Variants in SYT14 observed in about 807,000 individuals in gnomAD.
The protein encoded by SYT14 is synaptotagmin 14, also known as synaptotagmin-14.
In SYT14, 32 loss-of-function variants were observed where a neutral mutation model predicts 74.2. The ratio of observed to expected loss-of-function variants is 0.43; its 90% CI spans 0.33 to 0.58. SYT14 has a LOEUF of 0.58. Among genes scored for constraint, SYT14 ranks in the 20% least tolerant of loss-of-function variants. SYT14 has a pLI of 0.05. For synonymous variants in SYT14, 298 were observed against 337.7 expected, an observed-to-expected ratio of 0.88 and a Z score of 1.29; for missense variants, 791 against 981.8, an observed-to-expected ratio of 0.81 and a Z score of 2.60.
chr1:210,105,509 T>C (rs2082142822), intron 7 of SYT14, among the ~76,000 whole-genome samples: 1 of 152,224 alleles, frequency 6.6e-6, no homozygotes, highest in Admixed American at 6.5e-5. Context: ...AAGTAAACCA[T>C]TGTTGAATTA....
intron 7 of SYT14, among the ~76,000 whole-genome samples, chr1:210,139,440 T>C (rs1243520133): frequency 6.6e-6 from 1 of 152,048 alleles, no homozygotes; most frequent in East Asian, 1.9e-4. Flanking sequence ...TGAGATTCTT[T>C]CTAAGATTGT....
chr1:210,158,709 C>A (rs2083316258), intron 8 of SYT14, among the ~76,000 whole-genome samples: 1 of 151,978 alleles, frequency 6.6e-6, no homozygotes, highest in South Asian at 2.1e-4. Flanking sequence ...GATAGATCTT[C>A]AGTATAAGGA....
chr1:209,990,166 T>A lies in SYT14; in HGVS notation c.-485-23467T>A, dbSNP rs376524749. Among the ~76,000 whole-genome samples the A allele has an allele frequency of 3.3e-5, 5 of 152,234 alleles. No homozygotes were observed. In the East Asian group the frequency reaches 9.6e-4, roughly 29 times the overall value. On this transcript the variant is annotated intron_variant, in intron 2 of 9. Coordinates refer to ENST00000637265, the Ensembl canonical transcript of SYT14. ...TATTGTAAACAGAATTCATTTTCCC[T>A]CCACCTTTCATCTGTTTTTGTACAT...
At chr1:210,057,461 A>G (rs914509709) in intron 5 of SYT14, among the ~76,000 whole-genome samples, 5 of 152,232 alleles carry the variant, frequency 3.3e-5, no homozygotes, top group African/African-American at 7.2e-5. Context: ...TATTTTCAGA[A>G]TTTCTATAGA....
intron 2 of SYT14, among the ~76,000 whole-genome samples, chr1:210,005,806 T>C (rs191749421): frequency 4.6e-5 from 7 of 152,104 alleles, no homozygotes; most frequent in African/African-American, 1.4e-4. Context: ...TTAAGTATTA[T>C]TAAGTAAGAA....
Position 210,153,066 on chromosome 1 carries a change from A to G in SYT14, c.2035-2655A>G, listed in dbSNP as rs2102705182. On this transcript the variant is annotated intron_variant, in intron 7 of 9. Coordinates refer to ENST00000637265, the Ensembl canonical transcript of SYT14. ...TGGATCCAATATGAGTAATGCTGCT[A>G]TGGACATTCTTTCATATGTCTCTTG... Among the ~76,000 whole-genome samples, 2 of 152,280 alleles carry G rather than the reference A, an allele frequency of 1.3e-5. 1 individual carries two copies. Among genetic ancestry groups the G allele is most frequent in the South Asian group, 4.1e-4 (2 of 4,820 alleles).
chr1:210,130,846 A>G (rs937902615), intron 7 of SYT14, among the ~76,000 whole-genome samples: 3 of 152,232 alleles, frequency 2.0e-5, no homozygotes, highest in African/African-American at 7.2e-5. Context: ...TTCACGATGA[A>G]GTTGGTCTCA....
At chr1:210,016,580 G>A (rs1411046826) in exon 4 of SYT14, 2 of 1,231,848 alleles carry the variant, frequency 1.6e-6, no homozygotes, top group Non-Finnish European at 1.0e-6. Flanking sequence ...AAAGGAGGTA[G>A]GATATCAAGA....
chr1:210,032,045 C>T (rs1324324413), intron 5 of SYT14, among the ~76,000 whole-genome samples: 1 of 152,056 alleles, frequency 6.6e-6, no homozygotes, highest in African/African-American at 2.4e-5. Flanking sequence ...GAAAGTAATA[C>T]CTGGTGGAGC....
exon 4 of SYT14, chr1:210,015,802 T>TC (rs2080171377): frequency 1.9e-6 from 2 of 1,056,322 alleles, no homozygotes; most frequent in Non-Finnish European, 2.4e-6. Flanking sequence ...ATTTTTTTTT[T>TC]CCGGAAGAAT....
At chr1:209,945,886 G>T (rs1572049575) in intron 1 of SYT14, among the ~76,000 whole-genome samples, 1 of 152,004 alleles carries the variant, frequency 6.6e-6, no homozygotes, top group East Asian at 1.9e-4. Flanking sequence ...AAAGTTTGTG[G>T]CAACTCTGTT....
At chr1:209,953,483 T>C (rs2078944827) in intron 2 of SYT14, among the ~76,000 whole-genome samples, 5 of 152,208 alleles carry the variant, frequency 3.3e-5, no homozygotes, top group Non-Finnish European at 7.3e-5. Context: ...GCATCTCTCT[T>C]CAGACTCACT....
intron 2 of SYT14, among the ~76,000 whole-genome samples, chr1:210,009,597 C>G (rs557786817): frequency 6.6e-6 from 1 of 151,968 alleles, no homozygotes; most frequent in South Asian, 2.1e-4. Flanking sequence ...CTGGCACCTG[C>G]ATTTGCCAGC....
intron 5 of SYT14, among the ~76,000 whole-genome samples, chr1:210,036,714 T>A (rs1445951277): frequency 6.6e-6 from 1 of 152,108 alleles, no homozygotes; most frequent in Non-Finnish European, 1.5e-5. Flanking sequence ...TTTAATTCTG[T>A]TTATGTGGTG....
chr1:210,016,550 A>G (rs2080187786), exon 4 of SYT14: 1 of 1,232,030 alleles, frequency 8.1e-7, no homozygotes, highest in Non-Finnish European at 1.0e-6. Flanking sequence ...AGGAATTTCC[A>G]ATAATGGTAA....
intron 7 of SYT14, among the ~76,000 whole-genome samples, chr1:210,122,309 A>G (rs1372642722): frequency 6.6e-6 from 1 of 152,068 alleles, no homozygotes; most frequent in Non-Finnish European, 1.5e-5. Context: ...GCCCACAACA[A>G]AGGTTTATTT....
At chr1:210,029,142 T>C (rs974515175) in intron 5 of SYT14, among the ~76,000 whole-genome samples, 2 of 152,234 alleles carry the variant, frequency 1.3e-5, no homozygotes, top group African/African-American at 4.8e-5. Flanking sequence ...TGTTGAGTTT[T>C]AGGAATTCTC....
chr1:210,056,792 C>T (rs141585692), intron 5 of SYT14, among the ~76,000 whole-genome samples: 64 of 151,030 alleles, frequency 4.2e-4, no homozygotes, highest in African/African-American at 1.4e-3. Flanking sequence ...TATCAAACAA[C>T]AACAACAACA....
At chr1:210,002,495 G>T (rs2079918857) in intron 2 of SYT14, among the ~76,000 whole-genome samples, 1 of 151,504 alleles carries the variant, frequency 6.6e-6, no homozygotes, top group Non-Finnish European at 1.5e-5. Context: ...CATTTTTATG[G>T]CTACATAATT....
Sources: allele counts gnomAD v4.1 joint callset (sites outside exome capture counted in the v4.1 genomes callset), GRCh38; gene constraint gnomAD v4.1.1; transcripts MANE v1.5; gene names NCBI Gene and HGNC (gene_info 2026-07-23, HGNC 2026-07-21).